The following HMX1 variants were observed in gnomAD, a reference collection of about 807,000 sequenced individuals.
HMX1 encodes homeobox protein HMX1.
A neutral mutation model predicts 8.9 loss-of-function variants in HMX1; 8 were observed. The ratio of observed to expected loss-of-function variants is 0.90; its 90% confidence interval spans 0.53 to 1.63. The LOEUF is 1.63. HMX1 is among the 40% of genes most tolerant of loss of function. The probability of loss-of-function intolerance (pLI) is 0.00; values close to 1 mark genes in which losing one functional copy is unlikely to be tolerated. For missense variants in HMX1, 621 were observed against 558.5 expected (o/e 1.11, Z -1.13); for synonymous variants, 311 against 283.4 (o/e 1.10, Z -0.98).
At chr4:8,866,782 G>A (rs771945955), downstream of HMX1, among the ~76,000 whole-genome samples, 2 of 152,218 alleles carry the variant, frequency 1.3e-5, no homozygotes, top group Non-Finnish European at 2.9e-5. Context: ...CTGCCTTTCG[G>A]TTTCAGTCAA....
Position 8,868,468 on chromosome 4 carries a change from A to T in HMX1, c.395-123T>A. The T allele has an allele frequency of 5.3e-6, 4 of 749,266 alleles. No individual in the cohort carries two copies. The highest frequency in any genetic ancestry group is 7.4e-6 in the Non-Finnish European group (4 of 540,566). The allele number at this position is 749,266 out of a possible 1,614,324, so 46.4% of individuals were successfully genotyped here. A position where few individuals can be genotyped will look rare whatever the true frequency, so the allele number is the denominator to read the frequency against. On this transcript the variant is annotated intron_variant, in intron 1 of 1. Transcript: ENST00000400677. This position sits in a 1 kb window ranked among gnomAD's most constrained non-coding sequence, Gnocchi z 4.6. ...CACAAGCAGGAAGACCTTCCAGCAC[A>T]GGGCTGGGCACCCAGCAGCTCTGGG...
rs1309888815 is a variant in HMX1 at position 8,853,873 on chromosome 4, G to A, written c.395-7549C>T. ...CATCTCAAAAAAAAGGGGGGCGGGGGAAGAATGGATCCCCCTTTCCTCACT... is the reference window on the plus strand; with the variant it reads ...CATCTCAAAAAAAAGGGGGGCGGGGAAAGAATGGATCCCCCTTTCCTCACT... On this transcript the variant is annotated intron_variant, in intron 1 of 1. Coordinates refer to the HMX1 transcript ENST00000506970. This position sits in a 1 kb window ranked among gnomAD's most constrained non-coding sequence, Gnocchi z 4.7. 6.6e-6 allele frequency among the ~76,000 whole-genome samples: 1 copy of A among 152,106 alleles called. No homozygotes were observed. Among genetic ancestry groups the A allele is most frequent in the African/African-American group, 2.4e-5 (1 of 41,416 alleles).
At chr4:8,852,839 G>A (rs569579526) in intron 1 of HMX1, among the ~76,000 whole-genome samples, 8 of 152,306 alleles carry the variant, frequency 5.3e-5, no homozygotes, top group East Asian at 1.9e-4. Flanking sequence ...AGTGAAAGAG[G>A]CTTCTGGGCT....
At chr4:8,865,753 G>A (rs1721975474), downstream of HMX1, among the ~76,000 whole-genome samples, 4 of 152,110 alleles carry the variant, frequency 2.6e-5, no homozygotes, top group South Asian at 8.3e-4. Flanking sequence ...CCGCCAACAG[G>A]GAGCTTTCAT....
At chr4:8,855,017 G>A (rs1721568005) in intron 1 of HMX1, among the ~76,000 whole-genome samples, 1 of 152,226 alleles carries the variant, frequency 6.6e-6, no homozygotes, top group African/African-American at 2.4e-5. Flanking sequence ...GCTAAGTACA[G>A]TGAGTCACCA....
At chr4:8,858,591 C>A (rs1721690733) in intron 1 of HMX1, 1 of 152,184 alleles carries the variant, frequency 6.6e-6, no homozygotes, top group African/African-American at 2.4e-5. Context: ...CTCGCCCGGA[C>A]GTCATGGGGG....
downstream of HMX1, among the ~76,000 whole-genome samples, chr4:8,863,219 G>A (rs1189692659): frequency 6.6e-6 from 1 of 152,222 alleles, no homozygotes; most frequent in Non-Finnish European, 1.5e-5. Flanking sequence ...GTGGAGGAGG[G>A]CGCCGGGGAG....
downstream of HMX1, among the ~76,000 whole-genome samples, chr4:8,862,844 C>G (rs1190793287): frequency 1.3e-5 from 2 of 152,232 alleles, no homozygotes; most frequent in East Asian, 3.8e-4. Context: ...GACCACTTAG[C>G]TGTTCTCGGC....
In HMX1 at chr4:8,871,468, G is replaced by A. The variant is rs1213307878; in HGVS notation, c.147C>T (p.Asp49=). The A allele has an allele frequency of 7.4e-7, 1 of 1,344,252 alleles. No homozygotes were observed. Among genetic ancestry groups the A allele is most frequent in the Non-Finnish European group, 9.6e-7 (1 of 1,038,038 alleles). 83.3% of individuals were successfully genotyped at this position (1,344,252 alleles called of 1,614,324 possible). ...CGGCGTCCTCGTCTTCGGGGTCGTC[G>A]TCGTCCTCCTCCTCGTCCTCCCGGC... is the stretch of plus-strand genomic sequence containing the variant. ...DGSREDEEED[D]DDPEDEDAEQ... Residue 49 remains aspartate (D), a synonymous_variant, in exon 1 of 2, where the codon GAC becomes GAT. Transcript: ENST00000400677. This position sits in a 1 kb window ranked among gnomAD's most constrained non-coding sequence, Gnocchi z 4.8.
rs1722171147 is a variant in HMX1 at position 8,870,377 on chromosome 4, C to G, written c.394+844G>C. ...AGAACTAAGGGGTCAGATACCCAAG[C>G]AAGGGGGCAAAGGGGTTCTGGGGTT... is the stretch of plus-strand genomic sequence containing the variant. On this transcript the variant is annotated intron_variant, in intron 1 of 1. Coordinates refer to ENST00000400677, the MANE Select transcript of HMX1 (RefSeq NM_018942.3). This position sits in a 1 kb window ranked among gnomAD's most constrained non-coding sequence, Gnocchi z 4.4. Among the ~76,000 whole-genome samples the G allele has an allele frequency of 6.6e-6, 1 of 151,528 alleles. No individual in the cohort carries two copies.
At chr4:8,851,695 G>C (rs533096587) in intron 1 of HMX1, among the ~76,000 whole-genome samples, 3 of 152,328 alleles carry the variant, frequency 2.0e-5, no homozygotes, top group Admixed American at 2.0e-4. Context: ...TGGGCCTGTG[G>C]GCCAGTCACT....
Position 8,853,445 on chromosome 4 carries a change from C to G in HMX1, c.395-7121G>C, listed in dbSNP as rs1721515623. Reference sequence around the variant, plus strand: ...TTGCCCGCTGCACATCTCATGCTCACTGGTCAGAACCACATCATGTGACCG... The same window carrying G: ...TTGCCCGCTGCACATCTCATGCTCAGTGGTCAGAACCACATCATGTGACCG... On this transcript the variant is annotated intron_variant, in intron 1 of 1. Coordinates refer to the HMX1 transcript ENST00000506970. This position sits in a 1 kb window ranked among gnomAD's most constrained non-coding sequence, Gnocchi z 4.7. 6.6e-6 allele frequency among the ~76,000 whole-genome samples: 1 copy of G among 152,230 alleles called. No individual in the cohort carries two copies. Among genetic ancestry groups the G allele is most frequent in the African/African-American group, 2.4e-5 (1 of 41,448 alleles).
At chr4:8,859,784 G>A (rs1315566263) in intron 1 of HMX1, among the ~76,000 whole-genome samples, 1 of 152,228 alleles carries the variant, frequency 6.6e-6, no homozygotes, top group Admixed American at 6.5e-5. Context: ...GGAATACCGT[G>A]GAACAAGGCG....
rs139740006 is a variant in HMX1, at chr4:8,849,623, G to A, written c.395-3299C>T. Among the ~76,000 whole-genome samples, 1,360 of 152,186 alleles carry A rather than the reference G, an allele frequency of 8.9e-3. 16 individuals are homozygous for A. The highest frequency in any genetic ancestry group is 0.031 in the African/African-American group (1,304 of 41,528). On this transcript the variant is annotated intron_variant, in intron 1 of 1. Transcript: ENST00000506970. The surrounding 1 kb of genome is among the most constrained non-coding windows in gnomAD (Gnocchi z 6.6). The stretch of plus-strand genomic sequence containing the variant: ...GTCCCGGCAGCCCCAGGACACTCAC[G>A]GAGACACACGCAGGGCAGCTCTCCT...
chr4:8,859,618 C>T (rs1036555936), intron 1 of HMX1, among the ~76,000 whole-genome samples: 2 of 152,174 alleles, frequency 1.3e-5, no homozygotes, highest in Non-Finnish European at 2.9e-5. Context: ...CAGGGGTGAG[C>T]TGGGCTCAGC....
At chr4:8,869,978 T>C (rs1722156563) in intron 1 of HMX1, among the ~76,000 whole-genome samples, 2 of 151,614 alleles carry the variant, frequency 1.3e-5, no homozygotes, top group African/African-American at 4.8e-5. Context: ...ACGGAAGCCC[T>C]GCTCAAGTCT....
At chr4:8,865,160 G>T (rs975512499), downstream of HMX1, among the ~76,000 whole-genome samples, 6 of 152,198 alleles carry the variant, frequency 3.9e-5, no homozygotes, top group African/African-American at 9.6e-5. Context: ...CCGCCTGTAA[G>T]GGGATTCGCC....
In HMX1 at chr4:8,846,378, G is replaced by A. The variant is rs1034032557; in HGVS notation, c.395-54C>T. On this transcript the variant is annotated intron_variant, in intron 1 of 1. Transcript: ENST00000506970. ...AGCACTAGTCATGTCTGCACAAGGT[G>A]TCAGCTAATCCTGGATGCTCCACTG... 11 of 1,372,658 alleles carry A rather than the reference G, an allele frequency of 8.0e-6. No individual in the cohort carries two copies. The African/African-American group carries it at 1.3e-4, about 16-fold the overall frequency. The allele number at this position is 1,372,658 out of a possible 1,614,324, so 85.0% of individuals were successfully genotyped here.
rs181834941 is a variant in HMX1, at chr4:8,853,627, G to A, written c.395-7303C>T. The stretch of plus-strand genomic sequence containing the variant: ...AGCACTTTGGCAGGCCAAGGCGGGC[G>A]GATCACCTGAGGTCAGGAGTTCAAG... On this transcript the variant is annotated intron_variant, in intron 1 of 1. Coordinates refer to the HMX1 transcript ENST00000506970. This position sits in a 1 kb window ranked among gnomAD's most constrained non-coding sequence, Gnocchi z 4.7. Among the ~76,000 whole-genome samples, 321 of 152,294 alleles carry A rather than the reference G, an allele frequency of 2.1e-3. No homozygotes were observed. The highest frequency in any genetic ancestry group is 7.4e-3 in the African/African-American group (306 of 41,570).
Sources: gnomAD v4.1 joint callset for allele counts (sites outside exome capture counted in the v4.1 genomes callset) on GRCh38, gnomAD v4.1.1 for gene constraint, Gnocchi (gnomAD v3.1) non-coding constraint, MANE v1.5 for transcripts, NCBI Gene and HGNC (gene_info 2026-07-23, HGNC 2026-07-21) for gene names.